PLAC8L1: variants seen among roughly 807,000 people sequenced by gnomAD.
The protein encoded by PLAC8L1 is PLAC8 like 1.
Under a neutral mutation model 16.3 loss-of-function variants are expected in PLAC8L1, and 13 were observed. That is an observed-to-expected ratio of 0.80 (90% confidence interval 0.52 to 1.27). PLAC8L1 has a LOEUF of 1.27. Among genes scored for constraint, PLAC8L1 ranks in the 50% most tolerant of loss-of-function variants. The probability of loss-of-function intolerance (pLI) is 0.00; values close to 1 mark genes in which losing one functional copy is unlikely to be tolerated. For synonymous variants in PLAC8L1, 78 were observed against 79.3 expected (o/e 0.98, Z 0.09); for missense variants, 184 against 220.2 (o/e 0.84, Z 1.04).
chr5:146,084,540 G>A lies in PLAC8L1; in HGVS notation c.426C>T (p.His142=), dbSNP rs138588843. The A allele has an allele frequency of 7.1e-4, 1,149 of 1,614,044 alleles. 16 individuals are homozygous for A. In the East Asian group the frequency reaches 0.022, roughly 31 times the overall value. ...GGCAGATGGAAAAAGCCCAACAGCA[G>A]TGCACCGCCAGCCAGTCTTCACACA... ...GTLCEDWLAV[H]CCWAFSICQV... is the part of the protein sequence containing the mutation. The change falls in exon 4 of 4, where the codon CAC becomes CAT. Residue 142 remains histidine (H), a synonymous_variant. Coordinates refer to ENST00000311450, the MANE Select transcript of PLAC8L1 (RefSeq NM_001029869.3).
At chr5:146,090,637 G>A (rs1324015912) in intron 2 of PLAC8L1, among the ~76,000 whole-genome samples, 1 of 152,180 alleles carries the variant, frequency 6.6e-6, no homozygotes, top group Non-Finnish European at 1.5e-5. Flanking sequence ...ATATGGGCAG[G>A]TAATCCACTT....
chr5:146,098,169 TCTGCAGACA>T lies in PLAC8L1; in HGVS notation c.234_242del (p.Ser78_Cys80del). Reference sequence around the variant, plus strand: ...GGAAAAACTTACAAATTCTCCTATCTCTGCAGACACTGAAGAGACCGGTGCTCCAGCCCC... The same window carrying T: ...GGAAAAACTTACAAATTCTCCTATCTCTGAAGAGACCGGTGCTCCAGCCCC... On this transcript the variant is annotated inframe_deletion, in exon 2 of 4. Transcript: ENST00000311450. The T allele has an allele frequency of 6.2e-7, 1 of 1,612,612 alleles. No homozygotes were observed. Among genetic ancestry groups the T allele is most frequent in the Non-Finnish European group, 8.5e-7 (1 of 1,179,162 alleles).
At chr5:146,095,852 A>T (rs1293489074) in intron 2 of PLAC8L1, among the ~76,000 whole-genome samples, 2 of 152,270 alleles carry the variant, frequency 1.3e-5, no homozygotes, top group East Asian at 3.9e-4. Context: ...AGCTGATTGG[A>T]CTGTCAGCTA....
Position 146,084,397 on chromosome 5 carries a change from G to A in PLAC8L1, c.*35C>T, listed in dbSNP as rs201745266. On this transcript the variant is annotated 3_prime_UTR_variant, in exon 4 of 4. Coordinates refer to ENST00000311450, the MANE Select transcript of PLAC8L1 (RefSeq NM_001029869.3). ...TTCCACTGAGAGGTTTGAGAGGAGG[G>A]TGTTGGGGAGTAAGGAGGAGGAGTT... is the stretch of plus-strand genomic sequence containing the variant. 3.4e-5 allele frequency: 55 copies of A among 1,608,146 alleles called. No individual in the cohort carries two copies. In the African/African-American group the frequency reaches 6.9e-4, roughly 20 times the overall value.
intron 1 of PLAC8L1, among the ~76,000 whole-genome samples, chr5:146,101,132 G>A (rs1391743034): frequency 6.7e-6 from 1 of 150,102 alleles, no homozygotes; most frequent in Non-Finnish European, 1.5e-5. Flanking sequence ...GGGAGGAAGA[G>A]GCTGCAATGA....
chr5:146,095,761 G>T (rs1429737380), intron 2 of PLAC8L1, among the ~76,000 whole-genome samples: 1 of 152,164 alleles, frequency 6.6e-6, no homozygotes, highest in Non-Finnish European at 1.5e-5. Context: ...GTAGGCACAT[G>T]ATACAAGCTG....
intron 2 of PLAC8L1, among the ~76,000 whole-genome samples, chr5:146,092,468 A>G (rs1321806439): frequency 1.3e-5 from 2 of 152,084 alleles, no homozygotes; most frequent in Non-Finnish European, 2.9e-5. Flanking sequence ...AAACCATATA[A>G]AGGTCCATCA....
At chr5:146,100,046 C>G (rs1256310775) in intron 1 of PLAC8L1, among the ~76,000 whole-genome samples, 1 of 152,150 alleles carries the variant, frequency 6.6e-6, no homozygotes, top group East Asian at 1.9e-4. Flanking sequence ...TTAAAACAAG[C>G]CTTTCAGGTA....
At chr5:146,087,079 T>C (rs939373191) in intron 2 of PLAC8L1, among the ~76,000 whole-genome samples, 1 of 152,230 alleles carries the variant, frequency 6.6e-6, no homozygotes, top group Non-Finnish European at 1.5e-5. Context: ...CCAATATCTA[T>C]TCTTCTAGAT....
intron 3 of PLAC8L1, among the ~76,000 whole-genome samples, chr5:146,085,142 G>A (rs531665992): frequency 1.3e-5 from 2 of 152,072 alleles, no homozygotes; most frequent in Admixed American, 1.3e-4. Context: ...TCTGGGCCAG[G>A]CATGGTGGCT....
In PLAC8L1 at chr5:146,084,518, A is replaced by G. The variant is rs148261863; in HGVS notation, c.448T>C (p.Cys150Arg). The G allele has an allele frequency of 5.9e-5, 96 of 1,614,052 alleles. No homozygotes were observed. The highest frequency in any genetic ancestry group is 8.3e-5 in the Admixed American group (5 of 60,012). The change falls in exon 4 of 4, where the codon TGC becomes CGC. Residue 150 changes from cysteine to arginine, a missense_variant. By Grantham distance (180) the Cys-to-Arg change is radical. Transcript: ENST00000311450. Reference protein sequence around the residue: ...AVHCCWAFSICQVARELKMRT... With the variant: ...AVHCCWAFSIRQVARELKMRT... ...ATCTTGAGTTCCCGGGCCACCTGGC[A>G]GATGGAAAAAGCCCAACAGCAGTGC...
intron 1 of PLAC8L1, among the ~76,000 whole-genome samples, chr5:146,102,522 CAG>C: frequency 6.6e-6 from 1 of 152,256 alleles, no homozygotes; most frequent in South Asian, 2.1e-4. Flanking sequence ...CTACAGGTAT[CAG>C]ACTCAAGTAG....
chr5:146,086,465 T>G (rs1207318083), intron 2 of PLAC8L1, among the ~76,000 whole-genome samples: 1 of 152,244 alleles, frequency 6.6e-6, no homozygotes, highest in East Asian at 1.9e-4. Flanking sequence ...TGCAGATTAT[T>G]AGGGGCTTGG....
intron 1 of PLAC8L1, among the ~76,000 whole-genome samples, chr5:146,099,861 T>C (rs925401587): frequency 1.3e-5 from 2 of 152,056 alleles, no homozygotes; most frequent in African/African-American, 4.8e-5. Flanking sequence ...TATTATAGTA[T>C]AAGTTGCATT....
chr5:146,084,442 G>C lies in PLAC8L1; in HGVS notation c.524C>G (p.Thr175Ser), dbSNP rs752896413. Reference sequence around the variant, plus strand: ...GGAGTTATCTTGCTGTCAAACCAGGGTGTCCTTAGTCATTGGGACTGCACA... The same window carrying C: ...GGAGTTATCTTGCTGTCAAACCAGGCTGTCCTTAGTCATTGGGACTGCACA... ...EICAVPMTKD[T>S]LV Residue 175 changes from threonine (T) to serine (S), a missense_variant, in exon 4 of 4, where the codon ACC becomes AGC. Physicochemically the swap from Thr to Ser is moderately conservative, Grantham distance 58. Transcript: ENST00000311450. The C allele has an allele frequency of 6.2e-7, 1 of 1,613,956 alleles. No individual in the cohort carries two copies. The highest frequency in any genetic ancestry group is 8.5e-7 in the Non-Finnish European group (1 of 1,179,966).
intron 2 of PLAC8L1, among the ~76,000 whole-genome samples, chr5:146,092,815 C>A (rs947322771): frequency 6.6e-6 from 1 of 152,010 alleles, no homozygotes; most frequent in Non-Finnish European, 1.5e-5. Flanking sequence ...GGATTACAGG[C>A]GAGAGCCACC....
At chr5:146,098,436 T>C (rs913390904) in intron 1 of PLAC8L1, 144 bp from the exon 2 acceptor site, 1 of 618,330 alleles carries the variant, frequency 1.6e-6, no homozygotes, top group Admixed American at 3.5e-5. Flanking sequence ...GCCATCTCCC[T>C]CCCTCCTCCC....
At chr5:146,085,953 T>G (rs1382197944) in intron 2 of PLAC8L1, among the ~76,000 whole-genome samples, 1 of 151,812 alleles carries the variant, frequency 6.6e-6, no homozygotes, top group Non-Finnish European at 1.5e-5. Flanking sequence ...ATTTCAATAT[T>G]TAAAATAAAC....
intron 1 of PLAC8L1, 23 bp downstream of exon 1, chr5:146,104,170 G>T: frequency 6.2e-7 from 1 of 1,610,840 alleles, no homozygotes; most frequent in South Asian, 1.1e-5. Flanking sequence ...AAAGCTAGGG[G>T]AAAAACTCAC....
Sources: gnomAD v4.1 joint callset for allele counts (sites outside exome capture counted in the v4.1 genomes callset) on GRCh38, gnomAD v4.1.1 for gene constraint, MANE v1.5 for transcripts, NCBI Gene and HGNC (gene_info 2026-07-23, HGNC 2026-07-21) for gene names.